Variants in EYS observed in about 807,000 individuals in gnomAD.
EYS encodes the protein EGF-like photoreceptor maintenance factor.
EYS carries 250 observed loss-of-function variants against 282.1 expected under a neutral mutation model. The ratio of observed to expected loss-of-function variants is 0.89; its 90% confidence interval spans 0.80 to 0.98. The LOEUF (loss-of-function observed/expected upper bound fraction) is 0.98, where lower values mean the gene tolerates loss of function less well. EYS is among the 50% of genes least tolerant of loss of function. EYS has a pLI of 0.00. For synonymous variants in EYS, 1,355 were observed against 1,282.9 expected, an observed-to-expected ratio of 1.06 and a Z score of -1.20; for missense variants, 4,016 against 3,709.0, an observed-to-expected ratio of 1.08 and a Z score of -2.15.
intron 31 of EYS, among the ~76,000 whole-genome samples, chr6:64,202,689 T>C (rs1375192183): frequency 1.3e-5 from 2 of 152,102 alleles, no homozygotes; most frequent in Non-Finnish European, 2.9e-5. Context: ...GTAATTAACA[T>C]AGAACCTTGA....
rs1229325466 is a variant in EYS at position 65,133,385 on chromosome 6, G to A, written c.2024-75658C>T. Among the ~76,000 whole-genome samples, 6 of 151,980 alleles carry A rather than the reference G, an allele frequency of 3.9e-5. No individual in the cohort carries two copies. In the South Asian group the frequency reaches 6.2e-4, roughly 16 times the overall value. On this transcript the variant is annotated intron_variant, in intron 12 of 42. Transcript: ENST00000503581. ...ACCCAGTTTCAAACTATACTACAGG[G>A]CAACAGTAAATAAAACATTATGGTA...
intron 2 of EYS, among the ~76,000 whole-genome samples, chr6:65,557,047 A>T (rs1034781787): frequency 2.6e-5 from 4 of 152,212 alleles, no homozygotes; most frequent in Non-Finnish European, 5.9e-5. Context: ...GTCATTAAAA[A>T]TGTACAGATG....
intron 22 of EYS, among the ~76,000 whole-genome samples, chr6:64,710,484 G>A (rs1252637650): frequency 1.3e-5 from 2 of 152,190 alleles, no homozygotes; most frequent in Non-Finnish European, 1.5e-5. Context: ...GACCTCACAA[G>A]GAGTACAGAA....
chr6:65,464,235 G>C (rs1764917824), intron 5 of EYS, among the ~76,000 whole-genome samples: 1 of 152,050 alleles, frequency 6.6e-6, no homozygotes, highest in South Asian at 2.1e-4. Flanking sequence ...GGAGACACAG[G>C]AGATATGAAG....
intron 12 of EYS, among the ~76,000 whole-genome samples, chr6:65,070,897 A>C (rs1773885226): frequency 6.6e-6 from 1 of 151,942 alleles, no homozygotes; most frequent in East Asian, 1.9e-4. Flanking sequence ...CTAAAAGCAT[A>C]GTATAATAAT....
rs942806454 is a variant in EYS, at chr6:65,350,604, C to T, written c.1459+2854G>A. On this transcript the variant is annotated intron_variant, in intron 9 of 42. Transcript: ENST00000503581. ...AATTTCTCTTATTTTCTTTTTTTGT[C>T]TAGGATTTTATCTTTTCTTAAGCAT... 4.0e-4 allele frequency among the ~76,000 whole-genome samples: 60 copies of T among 151,430 alleles called. 1 individual carries two copies. Among genetic ancestry groups the T allele is most frequent in the Non-Finnish European group, 2.2e-4 (15 of 67,616 alleles).
intron 12 of EYS, among the ~76,000 whole-genome samples, chr6:65,254,201 C>A (rs189211121): frequency 6.6e-6 from 1 of 151,914 alleles, no homozygotes. Context: ...CTAATCCCTT[C>A]CCGCACCCAC....
chr6:64,683,260 T>C (rs991120555), intron 22 of EYS, among the ~76,000 whole-genome samples: 1 of 152,174 alleles, frequency 6.6e-6, no homozygotes, highest in African/African-American at 2.4e-5. Context: ...CATGTTAATT[T>C]TGCACTGAGC....
intron 26 of EYS, among the ~76,000 whole-genome samples, chr6:64,561,391 G>C (rs1765390293): frequency 6.6e-6 from 1 of 152,052 alleles, no homozygotes; most frequent in African/African-American, 2.4e-5. Flanking sequence ...AACTATCTCT[G>C]TTTGCAGACA....
chr6:64,063,403 A>G (rs1370553871), intron 33 of EYS, among the ~76,000 whole-genome samples: 1 of 152,208 alleles, frequency 6.6e-6, no homozygotes, highest in Non-Finnish European at 1.5e-5. Context: ...CCAATTGCAC[A>G]TAAGGAAATG....
chr6:64,337,262 C>T (rs777762820), intron 29 of EYS, among the ~76,000 whole-genome samples: 1 of 151,812 alleles, frequency 6.6e-6, no homozygotes, highest in Non-Finnish European at 1.5e-5. Context: ...TAGAGAGAAA[C>T]TTCAAATAAC....
chr6:64,478,388 A>G (rs969339023), intron 26 of EYS, among the ~76,000 whole-genome samples: 1 of 151,820 alleles, frequency 6.6e-6, no homozygotes, highest in Admixed American at 6.6e-5. Context: ...GAATGGATGG[A>G]AAAAATAATT....
intron 35 of EYS, among the ~76,000 whole-genome samples, chr6:63,871,771 A>G (rs115059111): frequency 0.011 from 1,645 of 152,278 alleles, 24 homozygotes; most frequent in African/African-American, 0.038. Context: ...CCCTTTGCCA[A>G]CTGGGGGGAT....
chr6:64,086,703 C>T (rs1772170001), intron 31 of EYS, among the ~76,000 whole-genome samples: 1 of 152,074 alleles, frequency 6.6e-6, no homozygotes, highest in Admixed American at 6.6e-5. Flanking sequence ...TTTTATCCTA[C>T]GTTACAATTG....
intron 30 of EYS, 43 bp from the exon 31 acceptor site, chr6:64,230,867 G>A (rs1472970776): frequency 8.5e-7 from 1 of 1,177,012 alleles, no homozygotes; most frequent in Non-Finnish European, 1.2e-6. Context: ...ATAAGTAAAA[G>A]CACTAGGAAC....
intron 13 of EYS, among the ~76,000 whole-genome samples, chr6:65,007,481 G>C (rs1003743862): frequency 6.6e-6 from 1 of 152,158 alleles, no homozygotes; most frequent in Non-Finnish European, 1.5e-5. Flanking sequence ...CCATCTTACA[G>C]CTAGACCTGT....
intron 31 of EYS, among the ~76,000 whole-genome samples, chr6:64,100,984 T>C (rs976855701): frequency 2.6e-5 from 4 of 151,460 alleles, no homozygotes; most frequent in African/African-American, 9.7e-5. Context: ...CACAAAGATC[T>C]TTTTTTTTGT....
intron 30 of EYS, among the ~76,000 whole-genome samples, chr6:64,302,927 G>GA (rs1769285806): frequency 6.6e-6 from 1 of 151,972 alleles, no homozygotes. Context: ...GGTCCTCTTT[G>GA]AATTCCAGCA....
chr6:64,662,754 C>G (rs1769088029), intron 22 of EYS, among the ~76,000 whole-genome samples: 1 of 152,098 alleles, frequency 6.6e-6, no homozygotes, highest in African/African-American at 2.4e-5. Context: ...ATAGTTCCTA[C>G]TCTTATTTTT....
Sources: allele counts gnomAD v4.1 joint callset (sites outside exome capture counted in the v4.1 genomes callset), GRCh38; gene constraint gnomAD v4.1.1; transcripts MANE v1.5; gene names NCBI Gene and HGNC (gene_info 2026-07-23, HGNC 2026-07-21).